The following TBC1D15 variants were observed in gnomAD, a reference collection of about 807,000 sequenced individuals.
TBC1D15 encodes GAP for RAB7.
Under a neutral mutation model 95.4 loss-of-function variants are expected in TBC1D15, and 39 were observed. That is an observed-to-expected ratio of 0.41 (90% confidence interval 0.32 to 0.53). TBC1D15 has a LOEUF of 0.53. TBC1D15 is among the 20% of genes least tolerant of loss of function. TBC1D15 has a pLI of 0.29. For synonymous variants in TBC1D15, 258 were observed against 261.3 expected (o/e 0.99, Z 0.12); for missense variants, 733 against 794.3 (o/e 0.92, Z 0.93).
chr12:71,890,804 T>C (rs1897081233), intron 5 of TBC1D15, among the ~76,000 whole-genome samples: 1 of 152,246 alleles, frequency 6.6e-6, no homozygotes, highest in African/African-American at 2.4e-5. Flanking sequence ...GTTTGTGTTC[T>C]TTGATTTATC....
chr12:71,913,806 AT>A lies in TBC1D15; in HGVS notation c.1301-14del, dbSNP rs1566070584. 1 of 1,542,414 alleles carries A rather than the reference AT, an allele frequency of 6.5e-7. No individual in the cohort carries two copies. The highest frequency in any genetic ancestry group is 1.7e-4 in the Middle Eastern group (1 of 5,872). On this transcript the variant is annotated intron_variant, in intron 11 of 16. Coordinates refer to ENST00000485960, the MANE Select transcript of TBC1D15 (RefSeq NM_001146213.3). ...CATAAAACTTGGGTTTTCAGAGATG[AT>A]TTTTTCTTTTCTTTTTAGGATATGT...
intron 5 of TBC1D15, among the ~76,000 whole-genome samples, chr12:71,892,637 A>C (rs1456357725): frequency 2.0e-5 from 3 of 151,884 alleles, no homozygotes; most frequent in African/African-American, 7.2e-5. Context: ...AACCATTCAT[A>C]ATAATCTTGT....
chr12:71,884,752 T>G, intron 4 of TBC1D15, 59 bp from the exon 5 acceptor site: 3 of 1,535,116 alleles, frequency 2.0e-6, no homozygotes, highest in Non-Finnish European at 2.7e-6. Flanking sequence ...TGGAGAGCAC[T>G]GTCAGTACCT....
At chr12:71,859,363 T>C (rs1468304424) in intron 1 of TBC1D15, among the ~76,000 whole-genome samples, 1 of 152,198 alleles carries the variant, frequency 6.6e-6, no homozygotes, top group Non-Finnish European at 1.5e-5. Flanking sequence ...GTTGGATGTA[T>C]AGTTTGCAGG....
intron 3 of TBC1D15, among the ~76,000 whole-genome samples, chr12:71,875,989 C>T (rs886734517): frequency 3.9e-5 from 6 of 152,034 alleles, no homozygotes; most frequent in South Asian, 2.1e-4. Context: ...TTAGGAGAGA[C>T]GGGGTTTCAC....
At chr12:71,864,651 C>T (rs942047500) in intron 1 of TBC1D15, among the ~76,000 whole-genome samples, 3 of 151,992 alleles carry the variant, frequency 2.0e-5, no homozygotes, top group South Asian at 2.1e-4. Context: ...GGATTACAGG[C>T]GCCTGCCACC....
chr12:71,849,469 T>C, intron 1 of TBC1D15: 5 of 918,558 alleles, frequency 5.4e-6, no homozygotes, highest in Non-Finnish European at 7.2e-6. Context: ...TCCAAACTCA[T>C]TCCAAAAGCA....
rs112742483 is a variant in TBC1D15 at position 71,857,401 on chromosome 12, T to C, written c.31-14669T>C. On this transcript the variant is annotated intron_variant, in intron 1 of 16. Coordinates refer to ENST00000485960, the MANE Select transcript of TBC1D15 (RefSeq NM_001146213.3). ...ATAATTTTTTTGTGACAAATATGCA[T>C]AGAGATAACTTTTCAAATATCAATT... 6.1e-3 allele frequency among the ~76,000 whole-genome samples: 927 copies of C among 152,276 alleles called. 4 individuals carry two copies. Among genetic ancestry groups the C allele is most frequent in the African/African-American group, 0.021 (891 of 41,560 alleles).
intron 5 of TBC1D15, among the ~76,000 whole-genome samples, chr12:71,890,986 A>C (rs1897111117): frequency 6.6e-6 from 1 of 152,194 alleles, no homozygotes; most frequent in African/African-American, 2.4e-5. Context: ...CCAAGCAGTA[A>C]AATATTCCCT....
At position 71,860,092 on chromosome 12, in the gene TBC1D15, C is replaced by T. The variant is rs550448930; in HGVS notation, c.31-11978C>T. Among the ~76,000 whole-genome samples the T allele has an allele frequency of 9.2e-5, 14 of 152,158 alleles. 1 individual carries two copies. The highest frequency in any genetic ancestry group is 3.4e-3 in the Middle Eastern group (1 of 294). ...TGGCTCTAAATTTATTTCTGGGTTC[C>T]TTATTCTCTTTAATTGGTCTGTGTA... is the stretch of plus-strand genomic sequence containing the variant. On this transcript the variant is annotated intron_variant, in intron 1 of 16. Transcript: ENST00000485960.
At chr12:71,867,557 C>G (rs1891753775) in intron 1 of TBC1D15, among the ~76,000 whole-genome samples, 1 of 152,146 alleles carries the variant, frequency 6.6e-6, no homozygotes, top group Non-Finnish European at 1.5e-5. Flanking sequence ...ACTGGGGACC[C>G]AAAAGTGTTC....
At chr12:71,886,361 A>G (rs6582063) in intron 5 of TBC1D15, among the ~76,000 whole-genome samples, 60,123 of 151,902 alleles carry the variant, frequency 0.4, 14,096 homozygotes, top group African/African-American at 0.64. Context: ...GTAGAGACAG[A>G]GTTTCACCAT....
intron 1 of TBC1D15, among the ~76,000 whole-genome samples, chr12:71,863,653 G>C (rs138225933): frequency 5.9e-5 from 9 of 152,156 alleles, no homozygotes; most frequent in Admixed American, 5.9e-4. Context: ...CATCACTTTG[G>C]AAGTGCCAAA....
At position 71,918,480 on chromosome 12, in the gene TBC1D15, T is replaced by C. The variant is rs1190309841; in HGVS notation, c.1531T>C (p.Cys511Arg). 1 of 1,609,512 alleles carries C rather than the reference T, an allele frequency of 6.2e-7. No individual in the cohort carries two copies. The highest frequency in any genetic ancestry group is 1.7e-5 in the Admixed American group (1 of 59,382). ...TCAGGACTCTGGATACCTTTATTTT[T>C]GCTTCAGGTGGCTTTTAATCAGATT... is the stretch of plus-strand genomic sequence containing the variant. ...ESQDSGYLYF[C>R]FRWLLIRFKR... The change falls in exon 14 of 17, where the codon TGC becomes CGC. Residue 511 changes from cysteine to arginine, a missense_variant. Transcript: ENST00000485960.
intron 5 of TBC1D15, among the ~76,000 whole-genome samples, chr12:71,888,517 GA>G (rs557762616): frequency 5.5e-4 from 83 of 151,462 alleles, no homozygotes; most frequent in South Asian, 4.6e-3. Context: ...ACTGTTATTA[GA>G]GGGGTTTAGA....
At chr12:71,897,148 A>T (rs73336848) in intron 9 of TBC1D15, 4,125 of 160,706 alleles carry the variant, frequency 0.026, 186 homozygotes, top group African/African-American at 0.092. Context: ...CTCATAAGAA[A>T]TATATTTGCT....
intron 11 of TBC1D15, chr12:71,913,584 G>A: frequency 2.7e-6 from 1 of 375,190 alleles, no homozygotes; most frequent in Non-Finnish European, 4.8e-6. Flanking sequence ...TCTGCACTGA[G>A]ACACGTACTG....
chr12:71,887,557 C>G (rs1478301206), intron 5 of TBC1D15, among the ~76,000 whole-genome samples: 1 of 152,102 alleles, frequency 6.6e-6, no homozygotes, highest in East Asian at 1.9e-4. Flanking sequence ...TAAACTCTTT[C>G]TTGTCTTAAG....
chr12:71,917,616 G>A, intron 12 of TBC1D15, 82 bp from the exon 13 acceptor site: 1 of 916,830 alleles, frequency 1.1e-6, no homozygotes, highest in South Asian at 1.8e-5. Context: ...TTTGTCCTTA[G>A]ACATCATGTT....
Sources: allele counts gnomAD v4.1 joint callset (sites outside exome capture counted in the v4.1 genomes callset), GRCh38; gene constraint gnomAD v4.1.1; transcripts MANE v1.5; gene names NCBI Gene and HGNC (gene_info 2026-07-23, HGNC 2026-07-21).